CECR2: variants seen among roughly 807,000 people sequenced by gnomAD.
The protein encoded by CECR2 is chromatin remodeling regulator CECR2.
In CECR2, 30 loss-of-function variants were observed where a neutral mutation model predicts 154.5. The ratio of observed to expected loss-of-function variants is 0.19; its 90% confidence interval spans 0.15 to 0.26. The LOEUF (loss-of-function observed/expected upper bound fraction) is 0.26. CECR2 is among the 10% of genes least tolerant of loss of function. CECR2 has a pLI of 1.00. For missense variants in CECR2, 1,743 were observed against 1,829.3 expected, an observed-to-expected ratio of 0.95 and a Z score of 0.86; for synonymous variants, 725 against 683.7, an observed-to-expected ratio of 1.06 and a Z score of -0.94.
Position 17,404,229 on chromosome 22 carries a change from G to A in CECR2, c.126+34320G>A, listed in dbSNP as rs565785743. ...AGCCGAGATCGTGCCACTGCACTCC[G>A]GCCTGGATGACAGTGCGAGACTCTG... is the stretch of plus-strand genomic sequence containing the variant. On this transcript the variant is annotated intron_variant, in intron 1 of 18. Transcript: ENST00000262608. Among the ~76,000 whole-genome samples the A allele has an allele frequency of 2.1e-3, 311 of 144,934 alleles. 2 individuals are homozygous for A. Among genetic ancestry groups the A allele is most frequent in the African/African-American group, 7.8e-3 (306 of 39,256 alleles).
intron 1 of CECR2, among the ~76,000 whole-genome samples, chr22:17,377,302 A>G (rs1201832258): frequency 6.6e-6 from 1 of 152,212 alleles, no homozygotes; most frequent in Non-Finnish European, 1.5e-5. Context: ...CTTTGAAAGT[A>G]GCTTTTGAGA....
chr22:17,458,271 C>A (rs192903386), intron 1 of CECR2, among the ~76,000 whole-genome samples: 32 of 152,108 alleles, frequency 2.1e-4, no homozygotes, highest in African/African-American at 7.5e-4. Context: ...AAAAATTAGC[C>A]AGGTGTGGTG....
At chr22:17,439,631 C>CA (rs2054554983) in intron 1 of CECR2, among the ~76,000 whole-genome samples, 1 of 152,038 alleles carries the variant, frequency 6.6e-6, no homozygotes, top group South Asian at 2.1e-4. Flanking sequence ...ACTTTACTAA[C>CA]AAAAAAATTA....
rs888134507 is a variant in CECR2, at chr22:17,444,013, T to C, written c.127-33575T>C. Among the ~76,000 whole-genome samples, 5 of 152,174 alleles carry C rather than the reference T, an allele frequency of 3.3e-5. No homozygotes were observed. The South Asian group carries it at 6.2e-4, about 19-fold the overall frequency. ...GTCCACTAAAACATTAATTAAACTC[T>C]CTAGGCTTCACCCTTCCTCCCAGGT... On this transcript the variant is annotated intron_variant, in intron 1 of 18. Transcript: ENST00000262608.
At chr22:17,467,782 CA>C (rs1184187046) in intron 1 of CECR2, among the ~76,000 whole-genome samples, 6 of 143,988 alleles carry the variant, frequency 4.2e-5, no homozygotes, top group African/African-American at 1.5e-4. Flanking sequence ...AACTCAGTCT[CA>C]AAAAAAAGAA....
chr22:17,400,464 A>G (rs184518615), intron 1 of CECR2, among the ~76,000 whole-genome samples: 29 of 152,310 alleles, frequency 1.9e-4, no homozygotes, highest in Non-Finnish European at 3.8e-4. Flanking sequence ...GAAGCTAGGC[A>G]CACCTGCCAA....
At chr22:17,490,280 G>A (rs577158233) in intron 2 of CECR2, among the ~76,000 whole-genome samples, 3 of 152,060 alleles carry the variant, frequency 2.0e-5, no homozygotes, top group Admixed American at 6.6e-5. Context: ...TATTGGATGT[G>A]TAGCGGTAGC....
intron 1 of CECR2, among the ~76,000 whole-genome samples, chr22:17,397,126 T>A (rs527652578): frequency 6.9e-4 from 105 of 152,108 alleles, no homozygotes; most frequent in African/African-American, 1.7e-3. Context: ...AGCTTTTTTT[T>A]TTTATTTATT....
At chr22:17,418,163 A>G (rs2146591588) in intron 1 of CECR2, among the ~76,000 whole-genome samples, 1 of 152,346 alleles carries the variant, frequency 6.6e-6, no homozygotes, top group Admixed American at 6.5e-5. Context: ...GTGCAGTCAA[A>G]TCTGCCCCAC....
At chr22:17,537,960 C>T (rs1242996928) in intron 10 of CECR2, among the ~76,000 whole-genome samples, 1 of 151,208 alleles carries the variant, frequency 6.6e-6, no homozygotes, top group Non-Finnish European at 1.5e-5. Context: ...TGCCACTGCA[C>T]TCCAGCCTGG....
chr22:17,439,832 A>G (rs1186595313), intron 1 of CECR2, among the ~76,000 whole-genome samples: 1 of 152,214 alleles, frequency 6.6e-6, no homozygotes, highest in African/African-American at 2.4e-5. Context: ...TGGAGAACAG[A>G]GTGAAAGCCC....
chr22:17,478,917 A>G (rs1461242623), intron 2 of CECR2, among the ~76,000 whole-genome samples: 3 of 152,160 alleles, frequency 2.0e-5, no homozygotes, highest in African/African-American at 7.2e-5. Context: ...TCCGTTCTCT[A>G]TTTAGGATGT....
At chr22:17,373,270 C>T (rs1423326761) in intron 1 of CECR2, among the ~76,000 whole-genome samples, 2 of 152,042 alleles carry the variant, frequency 1.3e-5, no homozygotes, top group Non-Finnish European at 2.9e-5. Context: ...ATTAATCAAC[C>T]TTGAATATAC....
At chr22:17,512,758 C>T (rs1177227047) in intron 8 of CECR2, among the ~76,000 whole-genome samples, 1 of 150,222 alleles carries the variant, frequency 6.7e-6, no homozygotes, top group Admixed American at 6.6e-5. Flanking sequence ...GAGTTTGTGG[C>T]AAGTTTGTTG....
chr22:17,537,167 C>T lies in CECR2; in HGVS notation c.1173C>T (p.Leu391=), dbSNP rs2056449763. Residue 391 remains leucine (L), a synonymous_variant, in exon 10 of 19, where the codon CTC becomes CTT. Coordinates refer to ENST00000262608, the MANE Select transcript of CECR2 (RefSeq NM_001290047.2). ...RAWLLAQGKE[L]PPELSHLDPN... ...GGCTGCTGGCTCAAGGAAAGGAGCT[C>T]CCTCCAGAACTTTCCCATCTGGACC... 1.2e-6 allele frequency: 2 copies of T among 1,613,778 alleles called. No homozygotes were observed. The highest frequency in any genetic ancestry group is 1.3e-5 in the African/African-American group (1 of 74,898).
chr22:17,381,728 A>G (rs1021521411), intron 1 of CECR2, among the ~76,000 whole-genome samples: 5 of 151,960 alleles, frequency 3.3e-5, no homozygotes, highest in Non-Finnish European at 4.4e-5. Context: ...TGTGAAACCT[A>G]TGTTGTTTGC....
At position 17,504,918 on chromosome 22, in the gene CECR2, G is replaced by A. The variant is rs377480686; in HGVS notation, c.772G>A (p.Glu258Lys). 2.1e-5 allele frequency: 34 copies of A among 1,613,692 alleles called. No homozygotes were observed. Among genetic ancestry groups the A allele is most frequent in the Middle Eastern group, 1.6e-4 (1 of 6,082 alleles). Residue 258 changes from glutamate to lysine, a missense_variant, in exon 7 of 19, where the codon GAG (glutamate) becomes AAG (lysine). Glu to Lys is a moderately conservative substitution (Grantham distance 56). Transcript: ENST00000262608. ...AGAAGAGGAATGGAGACAGGTCACCGAGAGTTTTCGCGAGAGGACCTCCCT... is the reference window on the plus strand; with the variant it reads ...AGAAGAGGAATGGAGACAGGTCACCAAGAGTTTTCGCGAGAGGACCTCCCT... ...QTEEEWRQVT[E>K]SFRERTSLRE...
chr22:17,494,257 C>T (rs535298626), intron 2 of CECR2, among the ~76,000 whole-genome samples: 2 of 152,272 alleles, frequency 1.3e-5, no homozygotes, highest in East Asian at 1.9e-4. Flanking sequence ...CCACCACAAC[C>T]GGCTAATTTT....
At chr22:17,491,346 G>T (rs1438908235) in intron 2 of CECR2, among the ~76,000 whole-genome samples, 2 of 151,998 alleles carry the variant, frequency 1.3e-5, no homozygotes, top group East Asian at 3.9e-4. Context: ...CTGCATCCTG[G>T]TCAGCACTTG....
Sources: gnomAD v4.1 joint callset for allele counts (sites outside exome capture counted in the v4.1 genomes callset) on GRCh38, gnomAD v4.1.1 for gene constraint, MANE v1.5 for transcripts, NCBI Gene and HGNC (gene_info 2026-07-23, HGNC 2026-07-21) for gene names.